The following PDS5A variants were observed in gnomAD, a reference collection of about 807,000 sequenced individuals.
PDS5A encodes sister chromatid cohesion protein PDS5 homolog A.
In PDS5A, 42 loss-of-function variants were observed where a neutral mutation model predicts 167.1. That is an observed-to-expected ratio of 0.25 (90% CI 0.20 to 0.33). PDS5A has a LOEUF of 0.33. Among genes scored for constraint, PDS5A ranks in the 10% least tolerant of loss-of-function variants. The probability of loss-of-function intolerance (pLI) is 1.00; values close to 1 mark genes in which losing one functional copy is unlikely to be tolerated. For missense variants in PDS5A, 1,033 were observed against 1,605.9 expected, an observed-to-expected ratio of 0.64 and a Z score of 6.10; for synonymous variants, 553 against 554.6, an observed-to-expected ratio of 1.00 and a Z score of 0.04.
chr4:39,925,201 A>C (rs549843843), intron 5 of PDS5A, among the ~76,000 whole-genome samples: 76 of 152,224 alleles, frequency 5.0e-4, no homozygotes, highest in African/African-American at 1.8e-3. Context: ...CAAAACAAAA[A>C]ACCCACAAAC....
intron 32 of PDS5A, among the ~76,000 whole-genome samples, chr4:39,829,336 A>G (rs1183933195): frequency 6.6e-6 from 1 of 152,162 alleles, no homozygotes; most frequent in Non-Finnish European, 1.5e-5. Context: ...GATTTTGACC[A>G]TTCAACTGAA....
chr4:39,938,129 T>C (rs1167920149), intron 2 of PDS5A, among the ~76,000 whole-genome samples: 1 of 152,216 alleles, frequency 6.6e-6, no homozygotes, highest in African/African-American at 2.4e-5. Flanking sequence ...TTTCTGTATA[T>C]CACTTTCCTT....
chr4:39,839,048 A>C (rs765052310), intron 31 of PDS5A, among the ~76,000 whole-genome samples: 5 of 152,102 alleles, frequency 3.3e-5, no homozygotes, highest in Non-Finnish European at 7.4e-5. Context: ...GAAAAATAAA[A>C]TCTAACTCTC....
chr4:39,878,294 G>T (rs1720641874), intron 18 of PDS5A, among the ~76,000 whole-genome samples: 1 of 152,046 alleles, frequency 6.6e-6, no homozygotes, highest in African/African-American at 2.4e-5. Flanking sequence ...TTAGAAAAAT[G>T]TAATAAAAAG....
intron 17 of PDS5A, among the ~76,000 whole-genome samples, chr4:39,880,838 T>G (rs964028219): frequency 1.3e-5 from 2 of 152,144 alleles, no homozygotes; most frequent in Non-Finnish European, 2.9e-5. Flanking sequence ...TGAAACTATG[T>G]TATTGTTAAC....
chr4:39,844,679 G>T lies in PDS5A; in HGVS notation c.3525C>A (p.Asn1175Lys), dbSNP rs1717422700. The change falls in exon 30 of 33, where the codon AAC becomes AAA. Residue 1175 changes from asparagine (N) to lysine (K), a missense_variant. By Grantham distance (94) the Asn-to-Lys change is moderately conservative. Transcript: ENST00000303538. ...GSNINVNSEL[N>K]PSTGNRSREQ... ...GCCTTGATCGATTTCCGGTTGAAGG[G>T]TTCAGCTCTGAATTTACATTAATAT... 1.9e-6 allele frequency: 3 copies of T among 1,612,134 alleles called. No homozygotes were observed. In the East Asian group the frequency reaches 6.7e-5, roughly 36 times the overall value.
chr4:39,961,041 C>T (rs1170239269), intron 2 of PDS5A, among the ~76,000 whole-genome samples: 1 of 127,686 alleles, frequency 7.8e-6, no homozygotes, highest in East Asian at 3.2e-4. Flanking sequence ...AACTCCTGGC[C>T]TCAAGCAATC....
chr4:39,839,570 A>G (rs1716758731), intron 31 of PDS5A, among the ~76,000 whole-genome samples: 1 of 152,088 alleles, frequency 6.6e-6, no homozygotes, highest in Non-Finnish European at 1.5e-5. Context: ...CTCCATCTCA[A>G]AAAGTATCCT....
chr4:39,835,818 T>C (rs1716333353), intron 32 of PDS5A, among the ~76,000 whole-genome samples: 2 of 152,192 alleles, frequency 1.3e-5, no homozygotes, highest in African/African-American at 4.8e-5. Context: ...CCACCGTGCC[T>C]GGCCACAAGT....
At chr4:39,892,348 A>C (rs1722050468) in intron 16 of PDS5A, among the ~76,000 whole-genome samples, 1 of 152,204 alleles carries the variant, frequency 6.6e-6, no homozygotes, top group Admixed American at 6.5e-5. Context: ...ACCAGGCCTG[A>C]ATCCCAACAC....
chr4:39,949,039 C>G lies in PDS5A; in HGVS notation c.139-20875G>C, dbSNP rs926462921. Among the ~76,000 whole-genome samples, 6 of 151,964 alleles carry G rather than the reference C, an allele frequency of 3.9e-5. 1 individual carries two copies. The East Asian group carries it at 1.2e-3, about 29-fold the overall frequency. On this transcript the variant is annotated intron_variant, in intron 2 of 32. Coordinates refer to ENST00000303538, the MANE Select transcript of PDS5A (RefSeq NM_001100399.2). ...GAAAGCCAGGCATGGTGGCTCACAC[C>G]TGTAATCACAGTACTTTGGGAGACC...
intron 2 of PDS5A, chr4:39,974,061 G>A: frequency 2.0e-6 from 1 of 507,278 alleles, no homozygotes; most frequent in Non-Finnish European, 3.8e-6. Flanking sequence ...GGGAGGCGGA[G>A]CTTACAGTGA....
Position 39,897,478 on chromosome 4 carries a change from A to C in PDS5A, c.1770+911T>G, listed in dbSNP as rs532833108. Among the ~76,000 whole-genome samples the C allele has an allele frequency of 1.5e-4, 23 of 152,116 alleles. No homozygotes were observed. The East Asian group carries it at 4.4e-3, about 29-fold the overall frequency. ...CAGTGGCATGATCTCGGCTCACTAC[A>C]ACCTCCACCTCCCGAGTTCAAGCAA... On this transcript the variant is annotated intron_variant, in intron 16 of 32. Transcript: ENST00000303538.
rs754424805 is a variant in PDS5A, at chr4:39,845,861, C to T, written c.3359G>A (p.Ser1120Asn). 1.4e-6 allele frequency: 2 copies of T among 1,380,318 alleles called. No individual in the cohort carries two copies. The highest frequency in any genetic ancestry group is 1.9e-6 in the Non-Finnish European group (2 of 1,056,090). The allele number at this position is 1,380,318 out of a possible 1,614,324, so 85.5% of individuals were successfully genotyped here. A position where few individuals can be genotyped will look rare whatever the true frequency, so the allele number is the denominator to read the frequency against. ...QPEKDFCNDK[S>N]YISEETRVLL... is the part of the protein sequence containing the mutation. Reference sequence around the variant, plus strand: ...TACTCTTGTCTCTTCTGAAATATAACTCTTATCGTTACAGAAGTCCTATTA... The same window carrying T: ...TACTCTTGTCTCTTCTGAAATATAATTCTTATCGTTACAGAAGTCCTATTA... The change falls in exon 29 of 33, where the codon AGT becomes AAT. Residue 1120 changes from serine to asparagine, a missense_variant. Around this residue, in one of 4 missense-constraint regions of PDS5A, gnomAD observed 233 missense variants for 264.0 expected, o/e 0.88. Coordinates refer to ENST00000303538, the MANE Select transcript of PDS5A (RefSeq NM_001100399.2).
At chr4:39,937,608 G>A (rs1726751386) in intron 2 of PDS5A, among the ~76,000 whole-genome samples, 1 of 151,978 alleles carries the variant, frequency 6.6e-6, no homozygotes, top group Non-Finnish European at 1.5e-5. Flanking sequence ...TGGTAGAGAT[G>A]GGGTCTTGTT....
intron 21 of PDS5A, among the ~76,000 whole-genome samples, chr4:39,870,655 T>C (rs1200714609): frequency 2.6e-5 from 4 of 151,918 alleles, no homozygotes; most frequent in Non-Finnish European, 4.4e-5. Context: ...TACACAGCTC[T>C]CCAAAGAAGA....
At chr4:39,899,829 AAC>A (rs1722721713) in intron 14 of PDS5A, among the ~76,000 whole-genome samples, 1 of 146,498 alleles carries the variant, frequency 6.8e-6, no homozygotes, top group East Asian at 2.0e-4. Context: ...CAGCCTGGGC[AAC>A]AGAGTAAGAT....
Position 39,845,885 on chromosome 4 carries a change from T to TAA in PDS5A, c.3340-7_3340-6dup, listed in dbSNP as rs530938310. 2.2e-4 allele frequency: 216 copies of TAA among 1,002,302 alleles called. No individual in the cohort carries two copies. Among genetic ancestry groups the TAA allele is most frequent in the South Asian group, 7.6e-4 (31 of 40,964 alleles). The allele number at this position is 1,002,302 out of a possible 1,614,324, so 62.1% of individuals were successfully genotyped here. On this transcript the variant is annotated splice_region_variant and splice_polypyrimidine_tract_variant and intron_variant, in intron 28 of 32. Coordinates refer to ENST00000303538, the MANE Select transcript of PDS5A (RefSeq NM_001100399.2). ...ACTCTTATCGTTACAGAAGTCCTAT[T>TAA]AAAAAAAAAAAAGAAAAAGAAAAAA...
At chr4:39,882,892 T>C (rs1721082224) in intron 17 of PDS5A, among the ~76,000 whole-genome samples, 1 of 152,176 alleles carries the variant, frequency 6.6e-6, no homozygotes, top group African/African-American at 2.4e-5. Flanking sequence ...GGGAAGTCTA[T>C]GCTATACAAC....
Sources: gnomAD v4.1 joint callset for allele counts (sites outside exome capture counted in the v4.1 genomes callset) on GRCh38, gnomAD v4.1.1 for gene constraint, gnomAD v4.1.1 regional missense constraint, MANE v1.5 for transcripts, NCBI Gene and HGNC (gene_info 2026-07-23, HGNC 2026-07-21) for gene names.